E2F6: variants seen among roughly 807,000 people sequenced by gnomAD.
E2F6 encodes transcription factor E2F6.
A neutral mutation model predicts 31.5 loss-of-function variants in E2F6; 19 were observed. The observed-to-expected ratio is 0.60, with a 90% CI of 0.42 to 0.89. E2F6 has a LOEUF of 0.89. Among genes scored for constraint, E2F6 ranks in the 40% least tolerant of loss-of-function variants. E2F6 has a pLI of 0.00. For synonymous variants in E2F6, 121 were observed against 127.7 expected (o/e 0.95, Z 0.36); for missense variants, 269 against 341.6 (o/e 0.79, Z 1.67).
chr2:11,461,444 T>C (rs893860047), intron 1 of E2F6, among the ~76,000 whole-genome samples: 7 of 152,190 alleles, frequency 4.6e-5, no homozygotes, highest in Non-Finnish European at 8.8e-5. Context: ...CTCCACCTCC[T>C]GGGTTCAAGT....
intron 2 of E2F6, chr2:11,456,970 A>T (rs1022098054): frequency 1.2e-4 from 59 of 507,296 alleles, no homozygotes; most frequent in Non-Finnish European, 1.1e-4. Context: ...TTAAATACAG[A>T]CTGTTCTATG....
intron 2 of E2F6, among the ~76,000 whole-genome samples, chr2:11,454,183 A>T (rs1328253696): frequency 1.3e-5 from 2 of 152,210 alleles, no homozygotes; most frequent in African/African-American, 4.8e-5. Context: ...TCTTCAAGTT[A>T]AGGAATTCTT....
intron 5 of E2F6, among the ~76,000 whole-genome samples, chr2:11,448,022 G>A (rs1670831099): frequency 6.6e-6 from 1 of 152,068 alleles, no homozygotes. Flanking sequence ...ACCCTTCAAG[G>A]AGGCCGTATT....
At position 11,446,541 on chromosome 2, in the gene E2F6, A is replaced by G; in HGVS notation, c.800-18T>C. 1 of 1,610,990 alleles carries G rather than the reference A, an allele frequency of 6.2e-7. No individual in the cohort carries two copies. The highest frequency in any genetic ancestry group is 8.5e-7 in the Non-Finnish European group (1 of 1,177,426). On this transcript the variant is annotated intron_variant, in intron 6 of 6. Coordinates refer to ENST00000381525, the MANE Select transcript of E2F6 (RefSeq NM_198256.4). The stretch of plus-strand genomic sequence containing the variant: ...ATTTTCTTCTGGAAAAGAACACGAG[A>G]GAGAAATACACCTAAGTGAATACAC...
At chr2:11,462,784 C>A (rs73917206) in intron 1 of E2F6, among the ~76,000 whole-genome samples, 1,819 of 152,270 alleles carry the variant, frequency 0.012, 52 homozygotes, top group African/African-American at 0.041. Flanking sequence ...CTGGACAGCT[C>A]AAGATTTCAT....
intron 6 of E2F6, 38 bp downstream of exon 6, chr2:11,447,589 C>G: frequency 6.2e-7 from 1 of 1,600,218 alleles, no homozygotes; most frequent in Non-Finnish European, 8.5e-7. Context: ...ATTATGCATG[C>G]TTAATTAAAA....
At chr2:11,459,091 T>C (rs1186967467) in intron 1 of E2F6, among the ~76,000 whole-genome samples, 1 of 151,878 alleles carries the variant, frequency 6.6e-6, no homozygotes, top group East Asian at 1.9e-4. Context: ...GCAAGATTCT[T>C]GAATGGAAAA....
At chr2:11,457,361 C>T (rs1007869257) in intron 1 of E2F6, 128 bp from the exon 2 acceptor site, 15 of 626,488 alleles carry the variant, frequency 2.4e-5, no homozygotes, top group East Asian at 9.4e-5. Context: ...CAGAGGCTCA[C>T]GCCTGTAATC....
chr2:11,449,970 T>C, intron 5 of E2F6, 42 bp downstream of exon 5: 6 of 1,506,586 alleles, frequency 4.0e-6, no homozygotes, highest in Non-Finnish European at 5.5e-6. Flanking sequence ...CAGTCGGCCC[T>C]CATCCCTCTT....
rs781047542 is a variant in E2F6, at chr2:11,447,658, A to T, written c.768T>A (p.Ser256=). ...CAGGGCCTTCTGGATGAGTGCTCTCAGATGAAGAGGTCCCGACACCTTCAG... is the reference window on the plus strand; with the variant it reads ...CAGGGCCTTCTGGATGAGTGCTCTCTGATGAAGAGGTCCCGACACCTTCAG... The part of the protein sequence containing the change: ...KRSEGVGTSS[S]ESTHPEGPEE... The change falls in exon 6 of 7, where the codon TCT becomes TCA. Residue 256 remains serine (S), a synonymous_variant. Transcript: ENST00000381525. The T allele has an allele frequency of 1.6e-5, 26 of 1,611,934 alleles. No homozygotes were observed. In the South Asian group the frequency reaches 2.9e-4, roughly 18 times the overall value.
chr2:11,456,889 A>T (rs1671440243), intron 2 of E2F6: 1 of 358,384 alleles, frequency 2.8e-6, no homozygotes, highest in Non-Finnish European at 5.0e-6. Context: ...TACCCTAAAC[A>T]TTAACCTAAG....
At chr2:11,460,178 A>G (rs1050363637) in intron 1 of E2F6, among the ~76,000 whole-genome samples, 1 of 152,212 alleles carries the variant, frequency 6.6e-6, no homozygotes, top group Non-Finnish European at 1.5e-5. Flanking sequence ...AGGGACTAAA[A>G]TGCTAAGCAC....
At chr2:11,452,920 T>A (rs1247773556) in intron 3 of E2F6, among the ~76,000 whole-genome samples, 3 of 152,230 alleles carry the variant, frequency 2.0e-5, no homozygotes, top group East Asian at 3.8e-4. Context: ...CTCTAATAAC[T>A]AAGTTAATTA....
intron 3 of E2F6, among the ~76,000 whole-genome samples, chr2:11,452,481 G>A (rs1238536516): frequency 6.6e-6 from 1 of 152,048 alleles, no homozygotes; most frequent in African/African-American, 2.4e-5. Flanking sequence ...GTGTATGCCT[G>A]TAATCCCAGC....
intron 1 of E2F6, among the ~76,000 whole-genome samples, chr2:11,464,327 A>G (rs1198151450): frequency 6.6e-6 from 1 of 151,662 alleles, no homozygotes; most frequent in African/African-American, 2.4e-5. Flanking sequence ...ATCCTGGCTT[A>G]CACGGTGAAA....
At chr2:11,465,624 A>G (rs1039688088) in intron 1 of E2F6, 148 bp downstream of exon 1, 1 of 724,196 alleles carries the variant, frequency 1.4e-6, no homozygotes, top group Non-Finnish European at 2.4e-6. Context: ...AAGGCGGGAG[A>G]GCGCAGTTCG....
chr2:11,451,343 CCTAA>C (rs10563979), intron 4 of E2F6: 25,108 of 165,986 alleles, frequency 0.15, 2,000 homozygotes, highest in Non-Finnish European at 0.18. Context: ...CCAACTTTTA[CCTAA>C]CTTTTTTTTT....
At chr2:11,458,309 A>G (rs1671540132) in intron 1 of E2F6, 2 of 1,551,698 alleles carry the variant, frequency 1.3e-6, no homozygotes, top group Non-Finnish European at 8.7e-7. Flanking sequence ...GGCAGCCCTC[A>G]GCTGAGCCTA....
chr2:11,451,594 CTTAAGTAATCTGTTTTGGAAGCAGAAATT>C, intron 4 of E2F6, 28 bp downstream of exon 4: 1 of 1,509,552 alleles, frequency 6.6e-7, no homozygotes, highest in South Asian at 1.3e-5. Context: ...GACTCTACTA[CTTAAGTAATCTGTTTTGGAAGCAGAAATT>C]TTAAAAAGGT....
Sources: gnomAD v4.1 joint callset for allele counts (sites outside exome capture counted in the v4.1 genomes callset) on GRCh38, gnomAD v4.1.1 for gene constraint, MANE v1.5 for transcripts, NCBI Gene and HGNC (gene_info 2026-07-23, HGNC 2026-07-21) for gene names.